The following FAM124B variants were observed in gnomAD, a reference collection of about 807,000 sequenced individuals.
FAM124B encodes protein FAM124B.
A neutral mutation model predicts 19.7 loss-of-function variants in FAM124B; 18 were observed. The observed-to-expected ratio is 0.92, with a 90% CI of 0.63 to 1.36. The LOEUF is 1.36. Among genes scored for constraint, FAM124B ranks in the 40% most tolerant of loss-of-function variants. The probability of loss-of-function intolerance (pLI) is 0.00; values close to 1 mark genes in which losing one functional copy is unlikely to be tolerated. For synonymous variants in FAM124B, 223 were observed against 225.2 expected, an observed-to-expected ratio of 0.99 and a Z score of 0.09; for missense variants, 540 against 553.3, an observed-to-expected ratio of 0.98 and a Z score of 0.24.
intron 1 of FAM124B, among the ~76,000 whole-genome samples, chr2:224,397,291 T>C (rs550668930): frequency 2.0e-4 from 30 of 152,296 alleles, no homozygotes; most frequent in East Asian, 5.8e-4. Flanking sequence ...CACCTACTGC[T>C]ATCCATGTAA....
At chr2:224,383,035 G>A (rs1162268632) in intron 1 of FAM124B, among the ~76,000 whole-genome samples, 2 of 152,124 alleles carry the variant, frequency 1.3e-5, no homozygotes, top group South Asian at 2.1e-4. Context: ...GGGCGACACT[G>A]TTGAAGGGAT....
intron 1 of FAM124B, among the ~76,000 whole-genome samples, chr2:224,399,226 G>A (rs1690023318): frequency 6.6e-6 from 1 of 152,128 alleles, no homozygotes; most frequent in African/African-American, 2.4e-5. Context: ...GTCCCTTGCT[G>A]CACACACACA....
chr2:224,396,124 T>TC (rs1242325560), intron 1 of FAM124B, among the ~76,000 whole-genome samples: 1 of 151,966 alleles, frequency 6.6e-6, no homozygotes, highest in South Asian at 2.1e-4. Flanking sequence ...GCCCAAAAAG[T>TC]CCCCCCGCTC....
At chr2:224,386,343 C>T (rs778176104) in intron 1 of FAM124B, among the ~76,000 whole-genome samples, 1 of 152,144 alleles carries the variant, frequency 6.6e-6, no homozygotes, top group Non-Finnish European at 1.5e-5. Context: ...TCCAAGCTTA[C>T]ACAGCATTGA....
At chr2:224,390,114 T>TACACACACACACACACACAC (rs59825011) in intron 1 of FAM124B, among the ~76,000 whole-genome samples, 54 of 131,796 alleles carry the variant, frequency 4.1e-4, no homozygotes, top group Middle Eastern at 3.8e-3. Context: ...GTCTTTGAAA[T>TACACACACACACACACACAC]ACACACACAC....
In FAM124B at chr2:224,390,884, T is replaced by C. The variant is rs376342335; in HGVS notation, c.732+10153A>G. 4.8e-4 allele frequency among the ~76,000 whole-genome samples: 73 copies of C among 151,236 alleles called. No individual in the cohort carries two copies. The East Asian group carries it at 0.013, about 26-fold the overall frequency. On this transcript the variant is annotated intron_variant, in intron 1 of 1. Coordinates refer to ENST00000409685, the MANE Select transcript of FAM124B (RefSeq NM_001122779.2). Reference sequence around the variant, plus strand: ...CCCGGCTAATTTTTTTGTATTTTTGTAGTAGAGACGGGGTTTCACCGTGTT... The same window carrying C: ...CCCGGCTAATTTTTTTGTATTTTTGCAGTAGAGACGGGGTTTCACCGTGTT...
intron 1 of FAM124B, among the ~76,000 whole-genome samples, chr2:224,386,011 C>T (rs1437155500): frequency 6.6e-6 from 1 of 152,174 alleles, no homozygotes; most frequent in African/African-American, 2.4e-5. Flanking sequence ...TCACACCACA[C>T]CATCGTCCTG....
chr2:224,396,701 C>T (rs939649718), intron 1 of FAM124B, among the ~76,000 whole-genome samples: 1 of 152,170 alleles, frequency 6.6e-6, no homozygotes, highest in Admixed American at 6.5e-5. Context: ...CTAAACTGAT[C>T]CATATAATCT....
chr2:224,386,117 A>G (rs1689797554), intron 1 of FAM124B, among the ~76,000 whole-genome samples: 1 of 152,168 alleles, frequency 6.6e-6, no homozygotes, highest in Non-Finnish European at 1.5e-5. Context: ...TTCTTAAGAT[A>G]AAATCTAAGC....
At position 224,378,800 on chromosome 2, in the gene FAM124B, G is replaced by A. The variant is rs944199199; in HGVS notation, c.*773C>T. 1 of 152,234 alleles carries A rather than the reference G, an allele frequency of 6.6e-6. No homozygotes were observed. Among genetic ancestry groups the A allele is most frequent in the African/African-American group, 2.4e-5 (1 of 41,468 alleles). The allele number at this position is 152,234 out of a possible 1,614,324, so 9.4% of individuals were successfully genotyped here. A position where few individuals can be genotyped will look rare whatever the true frequency, so the allele number is the denominator to read the frequency against. ...TCAAAATCTGGCCAGAAGAACCCAA[G>A]TCCTGCTCCAGTGACCAGATCAACC... is the stretch of plus-strand genomic sequence containing the variant. On this transcript the variant is annotated 3_prime_UTR_variant, in exon 2 of 2. Transcript: ENST00000409685.
At chr2:224,385,809 C>T (rs1468650387) in intron 1 of FAM124B, among the ~76,000 whole-genome samples, 2 of 152,176 alleles carry the variant, frequency 1.3e-5, no homozygotes, top group Non-Finnish European at 2.9e-5. Flanking sequence ...TACAACCATC[C>T]ACCCGTCCCC....
chr2:224,380,220 G>A lies in FAM124B; in HGVS notation c.733-12C>T, dbSNP rs1315272532. 4 of 1,525,150 alleles carry A rather than the reference G, an allele frequency of 2.6e-6. 1 individual carries two copies. In the South Asian group the frequency reaches 4.9e-5, roughly 19 times the overall value. 94.5% of individuals were successfully genotyped at this position (1,525,150 alleles called of 1,614,324 possible). A position where few individuals can be genotyped will look rare whatever the true frequency, so the allele number is the denominator to read the frequency against. On this transcript the variant is annotated splice_polypyrimidine_tract_variant and intron_variant, in intron 1 of 1. Transcript: ENST00000409685. ...GGATTCAGCTGAACCTACAGGAAAG[G>A]AAAGGAGGAACATATGAAACATAAT... is the stretch of plus-strand genomic sequence containing the variant.
rs768991891 is a variant in FAM124B at position 224,401,621 on chromosome 2, G to A, written c.148C>T (p.Pro50Ser). ...RLFQVSERAS[P>S]VKYCEKSHSK... is the part of the protein sequence containing the mutation. Reference sequence around the variant, plus strand: ...TGGGACTTTTCACAGTATTTCACAGGACTGGCCCGTTCAGACACCTGAAAG... The same window carrying A: ...TGGGACTTTTCACAGTATTTCACAGAACTGGCCCGTTCAGACACCTGAAAG... The change falls in exon 1 of 2, where the codon CCT becomes TCT. Residue 50 changes from proline (P) to serine (S), a missense_variant. Physicochemically the swap from Pro to Ser is moderately conservative, Grantham distance 74. Coordinates refer to ENST00000409685, the MANE Select transcript of FAM124B (RefSeq NM_001122779.2). The A allele has an allele frequency of 1.1e-5, 17 of 1,614,022 alleles. No homozygotes were observed. The South Asian group carries it at 1.9e-4, about 18-fold the overall frequency.
At chr2:224,384,707 T>G (rs1314976262) in intron 1 of FAM124B, among the ~76,000 whole-genome samples, 1 of 152,178 alleles carries the variant, frequency 6.6e-6, no homozygotes, top group East Asian at 1.9e-4. Context: ...CCATCCAGAT[T>G]ATCAAGGAAG....
At position 224,379,381 on chromosome 2, in the gene FAM124B, G is replaced by GT; in HGVS notation, c.*191dup. On this transcript the variant is annotated 3_prime_UTR_variant, in exon 2 of 2. Coordinates refer to ENST00000409685, the MANE Select transcript of FAM124B (RefSeq NM_001122779.2). The stretch of plus-strand genomic sequence containing the variant: ...GTGTTGGCTGTGTTCTCTTATGACT[G>GT]TGACGGCAAATAAACAATCATTCCC... The GT allele has an allele frequency of 8.4e-6, 7 of 829,532 alleles. No homozygotes were observed. Among genetic ancestry groups the GT allele is most frequent in the Non-Finnish European group, 1.2e-5 (7 of 567,922 alleles). The allele number at this position is 829,532 out of a possible 1,614,324, so 51.4% of individuals were successfully genotyped here. A position where few individuals can be genotyped will look rare whatever the true frequency, so the allele number is the denominator to read the frequency against.
rs778101743 is a variant in FAM124B at position 224,379,890 on chromosome 2, C to T, written c.1051G>A (p.Glu351Lys). 2.0e-5 allele frequency: 31 copies of T among 1,551,960 alleles called. No homozygotes were observed. Among genetic ancestry groups the T allele is most frequent in the Non-Finnish European group, 2.4e-5 (27 of 1,147,020 alleles). Reference sequence around the variant, plus strand: ...GCCTCAAGCTTCTGAAAGCTGTTTTCCCGGTTGAGGACCTTCATTCTGGCC... The same window carrying T: ...GCCTCAAGCTTCTGAAAGCTGTTTTTCCGGTTGAGGACCTTCATTCTGGCC... ...SGARMKVLNR[E>K]NSFQKLEAET... The change falls in exon 2 of 2, where the codon GAA becomes AAA. Residue 351 changes from glutamate (E) to lysine (K), a missense_variant. Transcript: ENST00000409685.
rs777097507 is a variant in FAM124B, at chr2:224,401,411, C to A, written c.358G>T (p.Asp120Tyr). ...ACCCCCCAGATGGGCAGCTGACTGT[C>A]CAGGCTGTAGAACTCCTGATTGGCA... ...FFANQEFYSLDSQLPIWGVRQ... is the reference protein window; with the variant it reads ...FFANQEFYSLYSQLPIWGVRQ... The change falls in exon 1 of 2, where the codon GAC becomes TAC. Residue 120 changes from aspartate (D) to tyrosine (Y), a missense_variant. Asp to Tyr is a radical substitution (Grantham distance 160). Transcript: ENST00000409685. 6.2e-7 allele frequency: 1 copy of A among 1,614,062 alleles called. No homozygotes were observed. The highest frequency in any genetic ancestry group is 8.5e-7 in the Non-Finnish European group (1 of 1,180,014).
chr2:224,384,667 G>A (rs761179629), intron 1 of FAM124B, among the ~76,000 whole-genome samples: 1 of 151,972 alleles, frequency 6.6e-6, no homozygotes, highest in Non-Finnish European at 1.5e-5. Context: ...CAGCACCATC[G>A]CCCCCACTCT....
intron 1 of FAM124B, among the ~76,000 whole-genome samples, chr2:224,389,417 C>A (rs1574573339): frequency 6.6e-6 from 1 of 152,246 alleles, no homozygotes; most frequent in East Asian, 1.9e-4. Flanking sequence ...AGGGTGAAGG[C>A]ATTATAATGC....
Sources: gnomAD v4.1 joint callset for allele counts (sites outside exome capture counted in the v4.1 genomes callset) on GRCh38, gnomAD v4.1.1 for gene constraint, MANE v1.5 for transcripts, NCBI Gene and HGNC (gene_info 2026-07-23, HGNC 2026-07-21) for gene names.